Variants in FAM76A observed in about 807,000 individuals in gnomAD.
The protein encoded by FAM76A is protein FAM76A.
Under a neutral mutation model 46.2 loss-of-function variants are expected in FAM76A, and 32 were observed. The observed-to-expected ratio is 0.69, with a 90% confidence interval of 0.52 to 0.93. The LOEUF (loss-of-function observed/expected upper bound fraction) is 0.93, where lower values mean the gene tolerates loss of function less well. FAM76A is among the 40% of genes least tolerant of loss of function. The pLI, the probability that FAM76A is intolerant of heterozygous loss-of-function variation, is 0.00. For synonymous variants in FAM76A, 137 were observed against 127.0 expected, an observed-to-expected ratio of 1.08 and a Z score of -0.53; for missense variants, 274 against 361.5, an observed-to-expected ratio of 0.76 and a Z score of 1.96.
intron 6 of FAM76A, among the ~76,000 whole-genome samples, chr1:27,750,783 C>G (rs1343017685): frequency 6.6e-6 from 1 of 152,200 alleles, no homozygotes; most frequent in Non-Finnish European, 1.5e-5. Context: ...TTTATTGCAT[C>G]CAGTCATCAG....
rs2088526810 is a variant in FAM76A, at chr1:27,762,689, A to T, written c.*2108A>T. 1 of 152,164 alleles carries T rather than the reference A, an allele frequency of 6.6e-6. No homozygotes were observed. The highest frequency in any genetic ancestry group is 2.4e-5 in the African/African-American group (1 of 41,452). 9.4% of individuals were successfully genotyped at this position (152,164 alleles called of 1,614,324 possible). A position where few individuals can be genotyped will look rare whatever the true frequency, so the allele number is the denominator to read the frequency against. ...GAATGAGAAGCTTTTAGGTAAAGAT[A>T]AACTGTCATAATATTTTTCAGATGC... is the stretch of plus-strand genomic sequence containing the variant. On this transcript the variant is annotated 3_prime_UTR_variant, in exon 9 of 9. Coordinates refer to ENST00000373954, the MANE Select transcript of FAM76A (RefSeq NM_152660.3).
chr1:27,729,418 C>T (rs967291061), intron 2 of FAM76A, among the ~76,000 whole-genome samples: 4 of 151,838 alleles, frequency 2.6e-5, no homozygotes, highest in African/African-American at 7.3e-5. Flanking sequence ...CCATGTTGCC[C>T]AGGCTGGTCT....
At chr1:27,750,202 G>A (rs2088309737) in intron 6 of FAM76A, among the ~76,000 whole-genome samples, 1 of 152,174 alleles carries the variant, frequency 6.6e-6, no homozygotes, top group South Asian at 2.1e-4. Context: ...AGGCTTACCA[G>A]GACTGATTTT....
intron 6 of FAM76A, among the ~76,000 whole-genome samples, chr1:27,753,862 GTT>G (rs563351534): frequency 1.2e-4 from 18 of 152,250 alleles, no homozygotes; most frequent in South Asian, 4.1e-4. Flanking sequence ...GGAAAAACAG[GTT>G]TGTGTTTTAC....
intron 4 of FAM76A, among the ~76,000 whole-genome samples, chr1:27,737,868 C>CAAAAAAAAAAAAAAAAAAAAAAAAA (rs71571865): frequency 3.2e-5 from 2 of 62,704 alleles, no homozygotes; most frequent in Non-Finnish European, 3.3e-5. Context: ...ACAACAACAA[C>CAAAAAAAAAAAAAAAAAAAAAAAAA]AAAAAAAAAA....
intron 6 of FAM76A, among the ~76,000 whole-genome samples, chr1:27,750,881 C>A (rs1356986603): frequency 6.6e-6 from 1 of 152,204 alleles, no homozygotes; most frequent in Non-Finnish European, 1.5e-5. Flanking sequence ...ATTAAATGAT[C>A]ATTTTGACCA....
chr1:27,738,812 T>C (rs961172835), intron 4 of FAM76A, among the ~76,000 whole-genome samples: 8 of 152,144 alleles, frequency 5.3e-5, no homozygotes, highest in Non-Finnish European at 1.2e-4. Context: ...TCAGCCTATA[T>C]TGGGCAATCA....
chr1:27,756,009 C>T (rs1392990018), intron 7 of FAM76A, among the ~76,000 whole-genome samples: 1 of 152,188 alleles, frequency 6.6e-6, no homozygotes, highest in Non-Finnish European at 1.5e-5. Context: ...AGGCTGTAAT[C>T]AGAAGGTGCT....
chr1:27,731,295 C>T (rs1324020223), intron 2 of FAM76A, among the ~76,000 whole-genome samples: 1 of 151,120 alleles, frequency 6.6e-6, no homozygotes, highest in Non-Finnish European at 1.5e-5. Context: ...CTTCCATCTC[C>T]CAGGTTCAAG....
At chr1:27,730,527 A>G (rs1277438655) in intron 2 of FAM76A, among the ~76,000 whole-genome samples, 2 of 152,100 alleles carry the variant, frequency 1.3e-5, no homozygotes, top group Admixed American at 6.6e-5. Context: ...CATGTTAGGA[A>G]CATATGTATA....
chr1:27,727,816 T>C (rs1383992721), intron 2 of FAM76A, among the ~76,000 whole-genome samples: 2 of 142,978 alleles, frequency 1.4e-5, no homozygotes, highest in Non-Finnish European at 3.1e-5. Context: ...TTTTTTTTTT[T>C]TTTTTTTTTG....
intron 6 of FAM76A, among the ~76,000 whole-genome samples, chr1:27,752,381 G>A (rs531470977): frequency 3.9e-5 from 6 of 151,938 alleles, no homozygotes; most frequent in African/African-American, 1.4e-4. Context: ...TAATTTGTTT[G>A]TTGAAATTAT....
intron 4 of FAM76A, among the ~76,000 whole-genome samples, chr1:27,736,767 T>A (rs188509544): frequency 6.6e-6 from 1 of 151,578 alleles, no homozygotes; most frequent in East Asian, 2.0e-4. Context: ...TTTTTATTTT[T>A]TTATTTTTTA....
intron 6 of FAM76A, 52 bp downstream of exon 6, chr1:27,749,206 C>A: frequency 8.0e-7 from 1 of 1,243,064 alleles, no homozygotes; most frequent in Non-Finnish European, 1.1e-6. Context: ...ATACACAGTT[C>A]CTGAAACAGG....
intron 4 of FAM76A, among the ~76,000 whole-genome samples, chr1:27,735,080 C>T (rs2088022743): frequency 6.6e-6 from 1 of 152,238 alleles, no homozygotes; most frequent in Non-Finnish European, 1.5e-5. Context: ...CTACCTCTCA[C>T]CTTGCTCCAG....
intron 4 of FAM76A, chr1:27,740,643 C>G: frequency 1.7e-6 from 1 of 574,562 alleles, no homozygotes; most frequent in South Asian, 2.1e-5. Context: ...CACAAGGAGC[C>G]CAATGTTGCT....
Position 27,762,544 on chromosome 1 carries a change from G to C in FAM76A, c.*1963G>C, listed in dbSNP as rs1254256987. 1 of 152,070 alleles carries C rather than the reference G, an allele frequency of 6.6e-6. No individual in the cohort carries two copies. The highest frequency in any genetic ancestry group is 2.4e-5 in the African/African-American group (1 of 41,402). The allele number at this position is 152,070 out of a possible 1,614,324, so 9.4% of individuals were successfully genotyped here. On this transcript the variant is annotated 3_prime_UTR_variant, in exon 9 of 9. Coordinates refer to ENST00000373954, the MANE Select transcript of FAM76A (RefSeq NM_152660.3). ...AATTGGACAGAGATGTGGAAATGGTGGTTTCCTTCTGATAAGGGATACAGT... is the reference window on the plus strand; with the variant it reads ...AATTGGACAGAGATGTGGAAATGGTCGTTTCCTTCTGATAAGGGATACAGT...
At chr1:27,726,306 G>A in intron 1 of FAM76A, 145 bp downstream of exon 1, 1 of 674,304 alleles carries the variant, frequency 1.5e-6, no homozygotes, top group South Asian at 7.8e-5. Flanking sequence ...ACCCCGCTGG[G>A]GGCCGGCGGG....
intron 4 of FAM76A, among the ~76,000 whole-genome samples, chr1:27,741,881 T>G (rs893448937): frequency 2.8e-4 from 37 of 130,100 alleles, no homozygotes; most frequent in Non-Finnish European, 5.0e-4. Flanking sequence ...AGACTCTATC[T>G]CAAAAAAAAA....
Sources: allele counts gnomAD v4.1 joint callset (sites outside exome capture counted in the v4.1 genomes callset), GRCh38; gene constraint gnomAD v4.1.1; transcripts MANE v1.5; gene names NCBI Gene and HGNC (gene_info 2026-07-23, HGNC 2026-07-21).